MCTP1: variants seen among roughly 807,000 people sequenced by gnomAD.
MCTP1 encodes the protein multiple C2 and transmembrane domain-containing protein 1.
In MCTP1, 69 loss-of-function variants were observed where a neutral mutation model predicts 120.6. That is an observed-to-expected ratio of 0.57 (90% CI 0.47 to 0.70). MCTP1 has a LOEUF of 0.70. Among genes scored for constraint, MCTP1 ranks in the 30% least tolerant of loss-of-function variants. The pLI is 0.00. For missense variants in MCTP1, 1,203 were observed against 1,248.8 expected (o/e 0.96, Z 0.55); for synonymous variants, 529 against 493.1 (o/e 1.07, Z -0.96).
rs57404381 is a variant in MCTP1, at chr5:94,749,654, CAAAAAAAAAAAAA to C, written c.2610+29443_2610+29455del. Among the ~76,000 whole-genome samples, 23 of 50,948 alleles carry C rather than the reference CAAAAAAAAAAAAA, an allele frequency of 4.5e-4. No individual in the cohort carries two copies. The East Asian group carries it at 4.9e-3, about 11-fold the overall frequency. 33.4% of individuals were successfully genotyped at this position (50,948 alleles called of 152,430 possible). A position where few individuals can be genotyped will look rare whatever the true frequency, so the allele number is the denominator to read the frequency against. ...TGGGTGACAGAGCAAGACTTCATCT[CAAAAAAAAAAAAA>C]AAAAAAAAAAAAAAAAAAATATCAA... On this transcript the variant is annotated intron_variant, in intron 19 of 22. Coordinates refer to ENST00000515393, the MANE Select transcript of MCTP1 (RefSeq NM_024717.7).
chr5:94,777,933 T>C (rs745900351), intron 19 of MCTP1, among the ~76,000 whole-genome samples: 5 of 92,708 alleles, frequency 5.4e-5, no homozygotes, highest in Non-Finnish European at 1.5e-4. Flanking sequence ...TGTGCGTGTG[T>C]GTGTGTGTGT....
intron 10 of MCTP1, among the ~76,000 whole-genome samples, chr5:94,896,108 TC>T (rs1236080847): frequency 1.3e-5 from 2 of 152,096 alleles, no homozygotes; most frequent in Admixed American, 1.3e-4. Flanking sequence ...ACATATCACA[TC>T]CCTTATCTCA....
At chr5:94,941,066 T>C (rs1272851268) in intron 4 of MCTP1, among the ~76,000 whole-genome samples, 1 of 152,072 alleles carries the variant, frequency 6.6e-6, no homozygotes, top group African/African-American at 2.4e-5. Context: ...CTTTTAATTT[T>C]TGAAATTATT....
chr5:95,207,149 C>G (rs897100604), intron 1 of MCTP1, among the ~76,000 whole-genome samples: 1 of 151,952 alleles, frequency 6.6e-6, no homozygotes, highest in South Asian at 2.1e-4. Context: ...ACTATCCTGG[C>G]AAGAAAGAAG....
intron 2 of MCTP1, among the ~76,000 whole-genome samples, chr5:95,005,243 T>G (rs147000151): frequency 6.6e-6 from 1 of 152,224 alleles, no homozygotes; most frequent in Non-Finnish European, 1.5e-5. Flanking sequence ...AAACTCATTG[T>G]ATCTTGGAAG....
intron 1 of MCTP1, among the ~76,000 whole-genome samples, chr5:95,040,462 G>T (rs1581981587): frequency 6.6e-6 from 1 of 150,390 alleles, no homozygotes; most frequent in South Asian, 2.1e-4. Context: ...AAAAAAGAAA[G>T]AAATTTTAAA....
At chr5:95,175,589 A>T (rs1022293034) in intron 1 of MCTP1, among the ~76,000 whole-genome samples, 2 of 152,234 alleles carry the variant, frequency 1.3e-5, no homozygotes, top group Non-Finnish European at 2.9e-5. Flanking sequence ...CCATAACAGA[A>T]AAATCCACTT....
chr5:94,894,672 G>T lies in MCTP1; in HGVS notation c.1816C>A (p.Arg606=), dbSNP rs146206373. 202 of 1,609,932 alleles carry T rather than the reference G, an allele frequency of 1.3e-4. No homozygotes were observed. The African/African-American group carries it at 2.5e-3, about 20-fold the overall frequency. The change falls in exon 11 of 23, where the codon CGA becomes AGA. Residue 606 remains arginine (R), a synonymous_variant. Transcript: ENST00000515393. ...SVNSLEDQKE[R]EEILKRYSPL... is the part of the protein sequence containing the mutation. ...ACATATCTCTTTAATATCTCCTCTC[G>T]TTCCTTCTGGTCCTCCAGGGAGTTG...
At chr5:94,907,782 A>C (rs1188507067) in intron 10 of MCTP1, among the ~76,000 whole-genome samples, 2 of 147,054 alleles carry the variant, frequency 1.4e-5, no homozygotes, top group Non-Finnish European at 3.0e-5. Context: ...ATCTGTCATT[A>C]TACGAAAAAA....
intron 10 of MCTP1, among the ~76,000 whole-genome samples, chr5:94,895,956 C>CTTAAATGCT (rs1803883238): frequency 6.6e-6 from 1 of 152,132 alleles, no homozygotes; most frequent in Admixed American, 6.5e-5. Flanking sequence ...TCCGTGTGTA[C>CTTAAATGCT]TTAAATGCTA....
At chr5:94,910,242 A>G (rs944385650) in intron 9 of MCTP1, among the ~76,000 whole-genome samples, 6 of 151,758 alleles carry the variant, frequency 4.0e-5, no homozygotes, top group East Asian at 1.9e-4. Flanking sequence ...ATGTATGTAT[A>G]TATACACATA....
intron 2 of MCTP1, among the ~76,000 whole-genome samples, chr5:94,983,927 GTC>G (rs1479039854): frequency 2.0e-5 from 3 of 152,180 alleles, no homozygotes; most frequent in Non-Finnish European, 4.4e-5. Flanking sequence ...ACAACTGGCA[GTC>G]TCTAACAATC....
chr5:94,880,608 C>T (rs1799854035), intron 12 of MCTP1, among the ~76,000 whole-genome samples: 1 of 152,050 alleles, frequency 6.6e-6, no homozygotes, highest in South Asian at 2.1e-4. Context: ...TTGGTAACTG[C>T]TACAGTATCT....
At chr5:95,281,436 G>C (rs1047782059) in intron 1 of MCTP1, among the ~76,000 whole-genome samples, 1 of 152,046 alleles carries the variant, frequency 6.6e-6, no homozygotes. Flanking sequence ...TTTTACATTG[G>C]TCAGAGAGTG....
At chr5:95,131,830 G>A (rs1329046112) in intron 1 of MCTP1, among the ~76,000 whole-genome samples, 1 of 152,054 alleles carries the variant, frequency 6.6e-6, no homozygotes, top group Non-Finnish European at 1.5e-5. Flanking sequence ...ATTAAATCAA[G>A]CAAACTGATT....
rs898004772 is a variant in MCTP1, at chr5:95,283,887, G to T, written c.689C>A (p.Pro230Gln). The change falls in exon 1 of 23, where the codon CCG becomes CAG. Residue 230 changes from proline (P) to glutamine (Q), a missense_variant. Physicochemically the swap from Pro to Gln is moderately conservative, Grantham distance 76 (BLOSUM62 -1). Coordinates refer to ENST00000515393, the MANE Select transcript of MCTP1 (RefSeq NM_024717.7). ...GCTGCCGTGCTCCTCGCCCGTCTCCGGGGCCCGAGACTCCGCGGGACTCCG... is the reference window on the plus strand; with the variant it reads ...GCTGCCGTGCTCCTCGCCCGTCTCCTGGGCCCGAGACTCCGCGGGACTCCG... ...PARSPAESRA[P>Q]ETGEEHGSSQ... The T allele has an allele frequency of 8.7e-6, 12 of 1,377,390 alleles. No homozygotes were observed. The African/African-American group carries it at 1.7e-4, about 19-fold the overall frequency. 85.3% of individuals were successfully genotyped at this position (1,377,390 alleles called of 1,614,324 possible).
At chr5:95,216,753 T>C (rs1255900324) in intron 1 of MCTP1, among the ~76,000 whole-genome samples, 1 of 152,216 alleles carries the variant, frequency 6.6e-6, no homozygotes, top group Non-Finnish European at 1.5e-5. Context: ...ATTAAGCTGA[T>C]GGATAATCTG....
intron 2 of MCTP1, among the ~76,000 whole-genome samples, chr5:94,990,849 G>A (rs1831406444): frequency 6.6e-6 from 1 of 151,804 alleles, no homozygotes; most frequent in Non-Finnish European, 1.5e-5. Flanking sequence ...GAGGTTCAAG[G>A]CACAGATAAA....
At position 95,118,841 on chromosome 5, in the gene MCTP1, T is replaced by C. The variant is rs549011669; in HGVS notation, c.721-101357A>G. On this transcript the variant is annotated intron_variant, in intron 1 of 22. Coordinates refer to ENST00000515393, the MANE Select transcript of MCTP1 (RefSeq NM_024717.7). ...TCAATTCAGCACAATATTTAACAAT[T>C]GCAAATATACATGTACCTAACACTG... 2.0e-5 allele frequency among the ~76,000 whole-genome samples: 3 copies of C among 152,274 alleles called. No homozygotes were observed. In the South Asian group the frequency reaches 6.2e-4, roughly 32 times the overall value.
Sources: allele counts gnomAD v4.1 joint callset (sites outside exome capture counted in the v4.1 genomes callset), GRCh38; gene constraint gnomAD v4.1.1; transcripts MANE v1.5; gene names NCBI Gene and HGNC (gene_info 2026-07-23, HGNC 2026-07-21).